The following ATP10B variants were observed in gnomAD, a reference collection of about 807,000 sequenced individuals.
ATP10B encodes ATPase phospholipid transporting 10B (putative), also known as phospholipid-transporting ATPase VB.
ATP10B carries 122 observed loss-of-function variants against 141.2 expected under a neutral mutation model. The observed-to-expected ratio is 0.86, with a 90% CI of 0.75 to 1.00. The LOEUF (loss-of-function observed/expected upper bound fraction) is 1.00. ATP10B is among the 50% of genes least tolerant of loss of function. ATP10B has a pLI of 0.00. For missense variants in ATP10B, 1,876 were observed against 1,825.3 expected (o/e 1.03, Z -0.51); for synonymous variants, 685 against 692.0 (o/e 0.99, Z 0.16).
chr5:160,829,121 T>G (rs952877897), intron 1 of ATP10B, among the ~76,000 whole-genome samples: 3 of 151,256 alleles, frequency 2.0e-5, no homozygotes, highest in Admixed American at 6.6e-5. Flanking sequence ...GATGAGTTAA[T>G]TGGTACAGCA....
the ATP10B span, among the ~76,000 whole-genome samples, chr5:160,901,332 T>G: frequency 6.6e-6 from 1 of 152,204 alleles, no homozygotes; most frequent in Non-Finnish European, 1.5e-5. Flanking sequence ...TTTCTTACAC[T>G]TCCCCACTTG....
At chr5:160,831,161 A>G (rs1485738932) in intron 1 of ATP10B, among the ~76,000 whole-genome samples, 1 of 151,508 alleles carries the variant, frequency 6.6e-6, no homozygotes, top group Non-Finnish European at 1.5e-5. Context: ...TTATTCATTC[A>G]ATGGAGAAAA....
At chr5:160,844,531 A>G (rs1475219630) in intron 1 of ATP10B, among the ~76,000 whole-genome samples, 1 of 152,026 alleles carries the variant, frequency 6.6e-6, no homozygotes, top group African/African-American at 2.4e-5. Flanking sequence ...TAAGGTCCCA[A>G]TAACTTAATA....
chr5:160,706,781 A>C (rs1765040208), intron 3 of ATP10B, among the ~76,000 whole-genome samples: 1 of 152,130 alleles, frequency 6.6e-6, no homozygotes, highest in Non-Finnish European at 1.5e-5. Flanking sequence ...TAAACAACAG[A>C]CTATTCAGAT....
At chr5:160,749,440 A>G (rs942161822) in intron 2 of ATP10B, among the ~76,000 whole-genome samples, 1 of 152,088 alleles carries the variant, frequency 6.6e-6, no homozygotes, top group Non-Finnish European at 1.5e-5. Context: ...TGCCCTCCTC[A>G]TACTGTGATA....
chr5:160,620,932 T>A lies in ATP10B; in HGVS notation c.1831A>T (p.Ser611Cys). The A allele has an allele frequency of 6.2e-7, 1 of 1,613,318 alleles. No individual in the cohort carries two copies. The highest frequency in any genetic ancestry group is 1.3e-5 in the African/African-American group (1 of 75,046). Reference sequence around the variant, plus strand: ...TCCAGGGACGTCCCCAGAGCCTTGCTTGAGGGTTTGATGGTGACCTTGTGG... The same window carrying A: ...TCCAGGGACGTCCCCAGAGCCTTGCATGAGGGTTTGATGGTGACCTTGTGG... ...PRQRVTIKPS[S>C]KALGTSLEKI... Residue 611 changes from serine (S) to cysteine (C), a missense_variant, in exon 15 of 26, where the codon AGC becomes TGC. Coordinates refer to ENST00000327245, the MANE Select transcript of ATP10B (RefSeq NM_025153.3).
chr5:160,679,465 C>T (rs1339977859), intron 6 of ATP10B, among the ~76,000 whole-genome samples: 1 of 152,242 alleles, frequency 6.6e-6, no homozygotes, highest in Non-Finnish European at 1.5e-5. Context: ...CTCTGCCTGG[C>T]TAAATGTTGC....
chr5:160,919,213 A>G, the ATP10B span, among the ~76,000 whole-genome samples: 4 of 115,634 alleles, frequency 3.5e-5, no homozygotes, highest in Admixed American at 8.6e-5. Context: ...GACAGAGCGA[A>G]ACTCCGTCTC....
intron 6 of ATP10B, among the ~76,000 whole-genome samples, chr5:160,675,620 G>C (rs1372629460): frequency 2.0e-5 from 3 of 152,218 alleles, no homozygotes; most frequent in Non-Finnish European, 4.4e-5. Flanking sequence ...ATGATGAGCT[G>C]GCCTGGCTGT....
Position 160,686,064 on chromosome 5 carries a change from G to A in ATP10B, c.470+15C>T. The A allele has an allele frequency of 6.5e-7, 1 of 1,539,530 alleles. No homozygotes were observed. The highest frequency in any genetic ancestry group is 8.8e-7 in the Non-Finnish European group (1 of 1,134,260). ...ACCCATTTGCAAGAGAGAACACAGG[G>A]ATGGTTTTTCTTACCTTTCATAAAT... On this transcript the variant is annotated intron_variant, in intron 6 of 25. Transcript: ENST00000327245.
chr5:160,789,797 G>T (rs1207452078), intron 1 of ATP10B, among the ~76,000 whole-genome samples: 1 of 152,146 alleles, frequency 6.6e-6, no homozygotes, highest in Non-Finnish European at 1.5e-5. Flanking sequence ...AAAGCACAAG[G>T]TTTAACTTCT....
intron 7 of ATP10B, among the ~76,000 whole-genome samples, chr5:160,655,742 TC>T (rs1451853543): frequency 6.6e-6 from 1 of 152,186 alleles, no homozygotes; most frequent in Non-Finnish European, 1.5e-5. Context: ...ATTGGGCCAG[TC>T]TAGTCTTCCG....
chr5:160,616,971 A>T (rs1758056267), intron 16 of ATP10B, among the ~76,000 whole-genome samples: 1 of 152,226 alleles, frequency 6.6e-6, no homozygotes, highest in South Asian at 2.1e-4. Flanking sequence ...CATTTTACAG[A>T]TAAAACTCAG....
At chr5:160,595,449 A>G (rs1204311019) in intron 22 of ATP10B, among the ~76,000 whole-genome samples, 1 of 152,162 alleles carries the variant, frequency 6.6e-6, no homozygotes, top group Non-Finnish European at 1.5e-5. Flanking sequence ...GGAAAGATCT[A>G]AAATTGACAC....
the ATP10B span, among the ~76,000 whole-genome samples, chr5:160,863,304 G>A: frequency 6.6e-6 from 1 of 151,928 alleles, no homozygotes; most frequent in Admixed American, 6.6e-5. Flanking sequence ...AGGTGAAAGG[G>A]AAGAGAAAAA....
At chr5:160,919,223 C>CAAAAAAAAAAAAAAAAAAAAAAAA in the ATP10B span, among the ~76,000 whole-genome samples, 1 of 26,962 alleles carries the variant, frequency 3.7e-5, no homozygotes, top group Non-Finnish European at 6.2e-5. Flanking sequence ...AACTCCGTCT[C>CAAAAAAAAAAAAAAAAAAAAAAAA]AAAAAAAAAA....
At chr5:160,685,183 T>C in intron 6 of ATP10B, 1 of 622,006 alleles carries the variant, frequency 1.6e-6, no homozygotes, top group Non-Finnish European at 2.9e-6. Context: ...CTTCTTGTCT[T>C]CTTTTCTTTT....
At chr5:160,772,208 C>T (rs1366129520) in intron 2 of ATP10B, among the ~76,000 whole-genome samples, 1 of 152,232 alleles carries the variant, frequency 6.6e-6, no homozygotes, top group Non-Finnish European at 1.5e-5. Flanking sequence ...CAGTTTTCCA[C>T]AGTCACCACT....
chr5:160,880,673 G>A, the ATP10B span, among the ~76,000 whole-genome samples: 11 of 152,166 alleles, frequency 7.2e-5, no homozygotes, highest in East Asian at 1.9e-3. Flanking sequence ...TGACAAATGA[G>A]CAAATATAAT....
Sources: gnomAD v4.1 joint callset for allele counts (sites outside exome capture counted in the v4.1 genomes callset) on GRCh38, gnomAD v4.1.1 for gene constraint, MANE v1.5 for transcripts, NCBI Gene and HGNC (gene_info 2026-07-23, HGNC 2026-07-21) for gene names.